CSMD1: variants seen among roughly 807,000 people sequenced by gnomAD.
CSMD1 encodes CUB and sushi domain-containing protein 1.
CSMD1 carries 213 observed loss-of-function variants against 417.5 expected under a neutral mutation model. That is an observed-to-expected ratio of 0.51 (90% CI 0.46 to 0.57). The LOEUF is 0.57. Ranked by LOEUF, CSMD1 falls within the 20% of genes least tolerant of loss-of-function variation. The pLI is 0.00. For synonymous variants in CSMD1, 2,862 were observed against 1,736.8 expected (o/e 1.65, Z -16.11); for missense variants, 6,923 against 4,529.7 (o/e 1.53, Z -15.17).
At chr8:4,901,466 T>G (rs1009897302) in intron 1 of CSMD1, among the ~76,000 whole-genome samples, 1 of 152,124 alleles carries the variant, frequency 6.6e-6, no homozygotes, top group African/African-American at 2.4e-5. Flanking sequence ...GAGAATTATT[T>G]CAAAACAAAG....
intron 26 of CSMD1, among the ~76,000 whole-genome samples, chr8:3,241,621 G>C (rs1799529818): frequency 6.6e-6 from 1 of 152,172 alleles, no homozygotes; most frequent in African/African-American, 2.4e-5. Context: ...ACACGGTTTA[G>C]GAGGAATCCT....
intron 3 of CSMD1, among the ~76,000 whole-genome samples, chr8:4,036,120 C>T (rs562826797): frequency 6.6e-6 from 1 of 152,318 alleles, no homozygotes; most frequent in Non-Finnish European, 1.5e-5. Context: ...TACTAGGCTA[C>T]ACCACACATC....
At chr8:3,821,797 CA>C (rs1317806580) in intron 5 of CSMD1, among the ~76,000 whole-genome samples, 7 of 149,214 alleles carry the variant, frequency 4.7e-5, no homozygotes, top group Non-Finnish European at 9.1e-5. Flanking sequence ...AACAAACAAG[CA>C]AACAAACAAA....
chr8:3,310,053 A>C (rs939048225), intron 23 of CSMD1, among the ~76,000 whole-genome samples: 1 of 152,202 alleles, frequency 6.6e-6, no homozygotes, highest in Non-Finnish European at 1.5e-5. Flanking sequence ...AGAACAGAAG[A>C]GTGTATCCAT....
rs34033842 is a variant in CSMD1, at chr8:4,607,289, C to CA, written c.302+30052dup. 6.2e-4 allele frequency among the ~76,000 whole-genome samples: 85 copies of CA among 136,144 alleles called. 1 individual carries two copies. The highest frequency in any genetic ancestry group is 2.0e-3 in the South Asian group (8 of 3,910). The allele number at this position is 136,144 out of a possible 152,430, so 89.3% of individuals were successfully genotyped here. A position where few individuals can be genotyped will look rare whatever the true frequency, so the allele number is the denominator to read the frequency against. ...TAGAAAATATGGAAAAAATAAATAA[C>CA]AAAAAAAAATGCATTTGAACGTATC... is the stretch of plus-strand genomic sequence containing the variant. On this transcript the variant is annotated intron_variant, in intron 2 of 69. Transcript: ENST00000635120.
chr8:4,083,191 C>A (rs922332769), intron 3 of CSMD1, among the ~76,000 whole-genome samples: 2 of 152,162 alleles, frequency 1.3e-5, no homozygotes, highest in South Asian at 2.1e-4. Context: ...AATTGCCACA[C>A]TGACTTCCAC....
At chr8:4,051,888 CTTCCT>C (rs1798449063) in intron 3 of CSMD1, among the ~76,000 whole-genome samples, 5 of 10,676 alleles carry the variant, frequency 4.7e-4, no homozygotes, top group African/African-American at 1.5e-3. Flanking sequence ...TTCTTCCTTC[CTTCCT>C]TCCTTCCTTC....
chr8:3,586,614 G>A (rs1484068459), intron 8 of CSMD1, among the ~76,000 whole-genome samples: 2 of 152,078 alleles, frequency 1.3e-5, no homozygotes, highest in African/African-American at 4.8e-5. Context: ...GAAAACAAGA[G>A]GAAGTTGGAT....
At chr8:3,757,669 C>G (rs913423601) in intron 5 of CSMD1, among the ~76,000 whole-genome samples, 2 of 152,002 alleles carry the variant, frequency 1.3e-5, no homozygotes, top group Non-Finnish European at 1.5e-5. Context: ...TCAAGACAAG[C>G]ATGGCCAACA....
At chr8:3,526,233 C>T (rs971603750) in intron 10 of CSMD1, among the ~76,000 whole-genome samples, 1 of 151,966 alleles carries the variant, frequency 6.6e-6, no homozygotes, top group African/African-American at 2.4e-5. Flanking sequence ...CTTCCTGAAC[C>T]TTCTATAGAA....
intron 2 of CSMD1, among the ~76,000 whole-genome samples, chr8:4,466,532 T>A (rs753593700): frequency 2.0e-5 from 3 of 152,236 alleles, no homozygotes; most frequent in Non-Finnish European, 4.4e-5. Context: ...TGGAAAGCTG[T>A]GTTTGGAAAA....
chr8:3,717,780 T>G (rs1801927976), intron 6 of CSMD1, among the ~76,000 whole-genome samples: 1 of 152,228 alleles, frequency 6.6e-6, no homozygotes, highest in African/African-American at 2.4e-5. Flanking sequence ...TCCTAAGGTA[T>G]TTTTAATAGA....
intron 5 of CSMD1, among the ~76,000 whole-genome samples, chr8:3,980,953 A>G (rs1261242526): frequency 6.6e-6 from 1 of 152,248 alleles, no homozygotes; most frequent in South Asian, 2.1e-4. Context: ...TTTTCCCATA[A>G]AGAGTAGGGG....
At chr8:2,997,523 T>TA (rs773962171) in intron 54 of CSMD1, among the ~76,000 whole-genome samples, 7 of 152,334 alleles carry the variant, frequency 4.6e-5, no homozygotes, top group East Asian at 3.9e-4. Flanking sequence ...AATGAAATCT[T>TA]AAACATCATG....
chr8:3,527,256 G>A (rs1025569054), intron 10 of CSMD1, among the ~76,000 whole-genome samples: 12 of 152,108 alleles, frequency 7.9e-5, no homozygotes, highest in African/African-American at 2.2e-4. Context: ...GGTACAGGGC[G>A]CTGATAGGGA....
chr8:4,959,261 G>C (rs1190134042), intron 1 of CSMD1, among the ~76,000 whole-genome samples: 1 of 152,162 alleles, frequency 6.6e-6, no homozygotes, highest in Non-Finnish European at 1.5e-5. Flanking sequence ...GGGGTCATAT[G>C]TTTTGGAAAA....
intron 10 of CSMD1, among the ~76,000 whole-genome samples, chr8:3,528,590 A>C (rs1797851756): frequency 6.6e-6 from 1 of 152,238 alleles, no homozygotes; most frequent in Non-Finnish European, 1.5e-5. Context: ...TGTATACAAC[A>C]CACAATTTGA....
chr8:4,662,092 G>C (rs1301008678), intron 1 of CSMD1, among the ~76,000 whole-genome samples: 1 of 152,018 alleles, frequency 6.6e-6, no homozygotes, highest in Non-Finnish European at 1.5e-5. Flanking sequence ...TGGGACTAGA[G>C]AAACACCACA....
At chr8:3,658,781 T>A (rs1287804138) in intron 7 of CSMD1, among the ~76,000 whole-genome samples, 2 of 152,084 alleles carry the variant, frequency 1.3e-5, no homozygotes, top group Non-Finnish European at 2.9e-5. Context: ...AGACTCCACC[T>A]CAAAAAATAA....
Sources: allele counts gnomAD v4.1 joint callset (sites outside exome capture counted in the v4.1 genomes callset), GRCh38; gene constraint gnomAD v4.1.1; transcripts MANE v1.5; gene names NCBI Gene and HGNC (gene_info 2026-07-23, HGNC 2026-07-21).